Variants in KAZN observed in about 807,000 individuals in gnomAD.
KAZN encodes the protein kazrin.
Under a neutral mutation model 87.4 loss-of-function variants are expected in KAZN, and 40 were observed. That is an observed-to-expected ratio of 0.46 (90% CI 0.36 to 0.60). The LOEUF is 0.60. Ranked by LOEUF, KAZN falls within the 20% of genes least tolerant of loss-of-function variation. The pLI, the probability that KAZN is intolerant of heterozygous loss-of-function variation, is 0.00. For missense variants in KAZN, 898 were observed against 1,073.9 expected (o/e 0.84, Z 2.29); for synonymous variants, 466 against 458.3 (o/e 1.02, Z -0.22).
rs745916842 is a variant in KAZN, at chr1:15,094,421, A to G, written c.1428+36A>G. 5.1e-6 allele frequency: 8 copies of G among 1,573,912 alleles called. 1 individual carries two copies. The highest frequency in any genetic ancestry group is 1.1e-5 in the South Asian group (1 of 87,084). On this transcript the variant is annotated intron_variant, in intron 9 of 14. Coordinates refer to ENST00000376030, the MANE Select transcript of KAZN (RefSeq NM_201628.3). The surrounding 1 kb of genome is among the most constrained non-coding windows in gnomAD (Gnocchi z 4.5). ...CCGGGCCCCCTATGGGATGCCACCC[A>G]TGCCCTCTGTGAGCTTTACGTACCC...
At chr1:14,402,112 T>C (rs1663464389) in intron 2 of KAZN, among the ~76,000 whole-genome samples, 1 of 151,792 alleles carries the variant, frequency 6.6e-6, no homozygotes, top group African/African-American at 2.4e-5. Context: ...AGAACATATA[T>C]ATTTTCAGAA....
intron 2 of KAZN, among the ~76,000 whole-genome samples, chr1:14,555,101 G>A (rs1234331393): frequency 1.3e-5 from 2 of 152,138 alleles, no homozygotes; most frequent in African/African-American, 4.8e-5. Context: ...TGTCATAATT[G>A]GCAAGTGTGA....
At chr1:14,924,349 C>G in intron 1 of KAZN, 3 of 988,256 alleles carry the variant, frequency 3.0e-6, no homozygotes, top group Non-Finnish European at 3.6e-6. Context: ...TGGTAGCGTC[C>G]CCCCGGGCAC....
intron 2 of KAZN, among the ~76,000 whole-genome samples, chr1:14,297,692 C>T (rs983168914): frequency 6.6e-6 from 1 of 152,200 alleles, no homozygotes; most frequent in East Asian, 1.9e-4. Context: ...TACCTACAAC[C>T]CCATCTCCTC....
intron 1 of KAZN, among the ~76,000 whole-genome samples, chr1:14,658,952 G>A: frequency 6.6e-6 from 1 of 152,190 alleles, no homozygotes; most frequent in East Asian, 1.9e-4. Context: ...GAGGCTGCCA[G>A]GGCTGGGAGC....
At chr1:15,047,221 G>C (rs1673654713) in intron 4 of KAZN, among the ~76,000 whole-genome samples, 1 of 152,196 alleles carries the variant, frequency 6.6e-6, no homozygotes. Context: ...AGTCTTGTTG[G>C]GGTGTCCACC....
chr1:14,165,756 T>C (rs990356617), intron 1 of KAZN, among the ~76,000 whole-genome samples: 2 of 152,200 alleles, frequency 1.3e-5, no homozygotes, highest in Non-Finnish European at 2.9e-5. Context: ...GGCAGCTACT[T>C]GAAATCTTTG....
chr1:14,387,478 C>T (rs958171759), intron 2 of KAZN, among the ~76,000 whole-genome samples: 11 of 152,070 alleles, frequency 7.2e-5, no homozygotes, highest in African/African-American at 2.7e-4. Context: ...TGGTGATGTA[C>T]AGATGGGTTT....
At chr1:15,001,230 C>G (rs59358901) in intron 2 of KAZN, among the ~76,000 whole-genome samples, 25,282 of 150,980 alleles carry the variant, frequency 0.17, 2,345 homozygotes, top group East Asian at 0.35. Context: ...GGGAGGCTGA[C>G]GCGGGTGGAT....
intron 2 of KAZN, among the ~76,000 whole-genome samples, chr1:14,409,793 C>T (rs1217538095): frequency 6.6e-6 from 1 of 152,022 alleles, no homozygotes; most frequent in African/African-American, 2.4e-5. Context: ...TCAAAAACTC[C>T]CAATAAAAGA....
At chr1:14,154,408 G>GT (rs1345332660) in intron 1 of KAZN, among the ~76,000 whole-genome samples, 3 of 152,082 alleles carry the variant, frequency 2.0e-5, no homozygotes, top group African/African-American at 2.4e-5. Flanking sequence ...GGAGTCTTTA[G>GT]TTTTTTCCCA....
At chr1:14,396,510 C>T (rs899506511) in intron 2 of KAZN, among the ~76,000 whole-genome samples, 7 of 152,198 alleles carry the variant, frequency 4.6e-5, no homozygotes, top group Non-Finnish European at 1.0e-4. Flanking sequence ...AATGCCCACC[C>T]GTCAGACTCA....
At chr1:14,663,544 A>G (rs1639325464) in intron 1 of KAZN, among the ~76,000 whole-genome samples, 1 of 152,216 alleles carries the variant, frequency 6.6e-6, no homozygotes, top group Non-Finnish European at 1.5e-5. Flanking sequence ...TTCCCTGTCA[A>G]GTTAAAAGGA....
chr1:15,033,245 G>A (rs372172951), intron 2 of KAZN, among the ~76,000 whole-genome samples: 2 of 152,208 alleles, frequency 1.3e-5, no homozygotes, highest in African/African-American at 4.8e-5. Flanking sequence ...CTGAGCAATG[G>A]CCCTCCTTGT....
chr1:14,739,387 C>A (rs1312126003), intron 1 of KAZN, among the ~76,000 whole-genome samples: 3 of 151,992 alleles, frequency 2.0e-5, no homozygotes, highest in African/African-American at 7.2e-5. Context: ...GTGCTGGCAT[C>A]GGAAGTACAA....
intron 1 of KAZN, among the ~76,000 whole-genome samples, chr1:14,731,869 A>G (rs886734727): frequency 1.3e-5 from 2 of 152,090 alleles, no homozygotes; most frequent in Non-Finnish European, 2.9e-5. Context: ...GTACTAACCA[A>G]ATGAGGGGGG....
chr1:14,805,718 G>A (rs1319988354), intron 1 of KAZN, among the ~76,000 whole-genome samples: 10 of 151,332 alleles, frequency 6.6e-5, no homozygotes, highest in South Asian at 2.1e-4. Flanking sequence ...CAGAGATCGC[G>A]CCAATGCACT....
At chr1:14,575,875 T>G (rs1332049891) in intron 2 of KAZN, among the ~76,000 whole-genome samples, 2 of 152,204 alleles carry the variant, frequency 1.3e-5, no homozygotes, top group African/African-American at 4.8e-5. Context: ...GTCTATACCT[T>G]TATTGTCCAC....
intron 1 of KAZN, among the ~76,000 whole-genome samples, chr1:13,966,134 C>T (rs558158211): frequency 1.3e-5 from 2 of 152,004 alleles, no homozygotes; most frequent in Non-Finnish European, 2.9e-5. Flanking sequence ...TCAAGCCCTA[C>T]CTATTTCTCT....
Sources: gnomAD v4.1 joint callset for allele counts (sites outside exome capture counted in the v4.1 genomes callset) on GRCh38, gnomAD v4.1.1 for gene constraint, Gnocchi (gnomAD v3.1) non-coding constraint, MANE v1.5 for transcripts, NCBI Gene and HGNC (gene_info 2026-07-23, HGNC 2026-07-21) for gene names.